The following BNIP1 variants were observed in gnomAD, a reference collection of about 807,000 sequenced individuals.
BNIP1 encodes the protein vesicle transport protein SEC20.
BNIP1 carries 25 observed loss-of-function variants against 28.5 expected under a neutral mutation model. The observed-to-expected ratio is 0.88, with a 90% confidence interval of 0.64 to 1.23. BNIP1 has a LOEUF of 1.23. Ranked by LOEUF, BNIP1 falls within the 50% of genes most tolerant of loss-of-function variation. BNIP1 has a pLI of 0.00. For synonymous variants in BNIP1, 118 were observed against 101.7 expected (o/e 1.16, Z -0.96); for missense variants, 276 against 277.0 (o/e 1.00, Z 0.02).
intron 5 of BNIP1, among the ~76,000 whole-genome samples, chr5:173,162,986 C>T (rs934055479): frequency 2.6e-5 from 4 of 152,226 alleles, no homozygotes; most frequent in Non-Finnish European, 5.9e-5. Context: ...TTCCTTTATA[C>T]TTTCCCTTTT....
intron 1 of BNIP1, among the ~76,000 whole-genome samples, chr5:173,146,388 C>T (rs1759836557): frequency 6.6e-6 from 1 of 152,198 alleles, no homozygotes; most frequent in Non-Finnish European, 1.5e-5. Context: ...TTAAACATGT[C>T]TATATAAACA....
chr5:173,156,072 C>T (rs1395583309), intron 3 of BNIP1, among the ~76,000 whole-genome samples: 1 of 152,144 alleles, frequency 6.6e-6, no homozygotes, highest in African/African-American at 2.4e-5. Flanking sequence ...CACCGACTGG[C>T]AAAAACACAG....
At chr5:173,151,798 A>G in intron 2 of BNIP1, 1 of 1,524,270 alleles carries the variant, frequency 6.6e-7, no homozygotes, top group South Asian at 1.3e-5. Context: ...TTACATATTT[A>G]TTATGGCACC....
At chr5:173,160,517 A>C (rs892970177) in intron 5 of BNIP1, among the ~76,000 whole-genome samples, 1 of 152,134 alleles carries the variant, frequency 6.6e-6, no homozygotes, top group East Asian at 1.9e-4. Context: ...TATAGGCGTG[A>C]GATGCCACGC....
At chr5:173,145,516 C>T (rs1362220536) in intron 1 of BNIP1, among the ~76,000 whole-genome samples, 1 of 152,228 alleles carries the variant, frequency 6.6e-6, no homozygotes, top group Admixed American at 6.5e-5. Flanking sequence ...ATTCTCCTGC[C>T]TCAGCCTCCT....
intron 1 of BNIP1, 71 bp downstream of exon 1, chr5:173,144,700 A>G: frequency 6.6e-7 from 1 of 1,520,644 alleles, no homozygotes; most frequent in Non-Finnish European, 9.0e-7. Context: ...TGAGCTTGGC[A>G]GTGTCACTCC....
At chr5:173,163,379 C>T (rs1044099095) in intron 5 of BNIP1, among the ~76,000 whole-genome samples, 7 of 152,222 alleles carry the variant, frequency 4.6e-5, no homozygotes, top group African/African-American at 1.4e-4. Context: ...TGCCTGCCCA[C>T]GATCCCTGGG....
In BNIP1 at chr5:173,158,752, C is replaced by A; in HGVS notation, c.278C>A (p.Ala93Asp). 2 of 1,613,574 alleles carry A rather than the reference C, an allele frequency of 1.2e-6. No individual in the cohort carries two copies. Among genetic ancestry groups the A allele is most frequent in the Non-Finnish European group, 1.7e-6 (2 of 1,179,734 alleles). ...GAACCTTCCAATTCCAGCAATCAGG[C>A]CTCATGGAGGAAAGCTAATCTCACC... is the stretch of plus-strand genomic sequence containing the variant. ...NHKKQMLSNQ[A>D]SWRKANLTCK... Residue 93 changes from alanine to aspartate, a missense_variant, in exon 4 of 6, where the codon GCC (alanine) becomes GAC (aspartate). Ala to Asp is a moderately radical substitution (Grantham distance 126). Coordinates refer to ENST00000351486, the MANE Select transcript of BNIP1 (RefSeq NM_001205.3).
At chr5:173,156,537 G>T (rs1291809231) in intron 3 of BNIP1, among the ~76,000 whole-genome samples, 1 of 152,008 alleles carries the variant, frequency 6.6e-6, no homozygotes, top group South Asian at 2.1e-4. Flanking sequence ...TCAACTACTT[G>T]GGAGGCCAAG....
rs1416290785 is a variant in BNIP1 at position 173,156,590 on chromosome 5, C to T, written c.270-2154C>T. Among the ~76,000 whole-genome samples, 28 of 128,472 alleles carry T rather than the reference C, an allele frequency of 2.2e-4. 1 individual carries two copies. Among genetic ancestry groups the T allele is most frequent in the Admixed American group, 1.6e-3 (21 of 12,746 alleles). 84.3% of individuals were successfully genotyped at this position (128,472 alleles called of 152,430 possible). A position where few individuals can be genotyped will look rare whatever the true frequency, so the allele number is the denominator to read the frequency against. ...TCGGGAGGTCAAGGCTGCAGTGAGC[C>T]GTGATCATGTGACTGCACCTGGCCT... On this transcript the variant is annotated intron_variant, in intron 3 of 5. Transcript: ENST00000351486.
chr5:173,153,219 A>G (rs1581073722), intron 2 of BNIP1, among the ~76,000 whole-genome samples: 1 of 150,822 alleles, frequency 6.6e-6, no homozygotes, highest in East Asian at 1.9e-4. Context: ...TGAGATGATC[A>G]CAAGTCTGAC....
intron 3 of BNIP1, 63 bp downstream of exon 3, chr5:173,154,476 C>T: frequency 7.4e-7 from 1 of 1,352,590 alleles, no homozygotes. Context: ...GTGAGCCTTG[C>T]ACGTGTGTTT....
At chr5:173,157,940 T>G (rs1218696818) in intron 3 of BNIP1, among the ~76,000 whole-genome samples, 1 of 151,440 alleles carries the variant, frequency 6.6e-6, no homozygotes, top group Non-Finnish European at 1.5e-5. Context: ...TTTTTTTTTT[T>G]TCTTGAGAGA....
chr5:173,157,839 G>A (rs1760244228), intron 3 of BNIP1, among the ~76,000 whole-genome samples: 1 of 151,926 alleles, frequency 6.6e-6, no homozygotes, highest in Non-Finnish European at 1.5e-5. Context: ...TCATGTTTGT[G>A]TCATTCATGA....
intron 2 of BNIP1, among the ~76,000 whole-genome samples, chr5:173,148,135 T>A (rs1177017530): frequency 2.7e-5 from 3 of 112,070 alleles, no homozygotes; most frequent in African/African-American, 7.0e-5. Flanking sequence ...TATATATATA[T>A]ATTTTAATAG....
At chr5:173,159,693 A>T (rs1241900883) in intron 4 of BNIP1, among the ~76,000 whole-genome samples, 1 of 152,168 alleles carries the variant, frequency 6.6e-6, no homozygotes, top group East Asian at 1.9e-4. Context: ...AAAGGAATGA[A>T]CATTACCAAG....
At position 173,163,906 on chromosome 5, in the gene BNIP1, CT is replaced by C; in HGVS notation, c.675del (p.Pro226HisfsTer27). The C allele has an allele frequency of 6.2e-7, 1 of 1,603,268 alleles. No individual in the cohort carries two copies. The highest frequency in any genetic ancestry group is 1.1e-5 in the South Asian group (1 of 89,246). On this transcript the variant is annotated frameshift_variant, in exon 6 of 6. Coordinates refer to ENST00000351486, the MANE Select transcript of BNIP1 (RefSeq NM_001205.3). LOFTEE classifies it high-confidence loss of function. ...TVLYIVKKRL[F>X]PFL is the part of the protein sequence containing the mutation. ...TCCTCTATATTGTGAAAAAGCGGCT[CT>C]TTCCATTTTTGTGAGATCCCAAAGG... is the stretch of plus-strand genomic sequence containing the variant.
intron 5 of BNIP1, among the ~76,000 whole-genome samples, chr5:173,162,522 G>A (rs1438015103): frequency 6.6e-6 from 1 of 152,080 alleles, no homozygotes. Flanking sequence ...CCAGCTACTG[G>A]GGAGGCTGAG....
At chr5:173,162,817 G>C (rs1424331977) in intron 5 of BNIP1, among the ~76,000 whole-genome samples, 3 of 152,042 alleles carry the variant, frequency 2.0e-5, no homozygotes, top group Non-Finnish European at 4.4e-5. Flanking sequence ...ACCTCCAGCT[G>C]ACCCCTACCT....
Sources: allele counts gnomAD v4.1 joint callset (sites outside exome capture counted in the v4.1 genomes callset), GRCh38; gene constraint gnomAD v4.1.1; transcripts MANE v1.5; gene names NCBI Gene and HGNC (gene_info 2026-07-23, HGNC 2026-07-21).